GOLGA4: variants seen among roughly 807,000 people sequenced by gnomAD.
GOLGA4 encodes the protein golgin A4.
In GOLGA4, 169 loss-of-function variants were observed where a neutral mutation model predicts 265.9. The observed-to-expected ratio is 0.64, with a 90% confidence interval of 0.56 to 0.72. The LOEUF (loss-of-function observed/expected upper bound fraction) is 0.72, where lower values mean the gene tolerates loss of function less well. GOLGA4 is among the 30% of genes least tolerant of loss of function. GOLGA4 has a pLI of 0.00. For missense variants in GOLGA4, 2,482 were observed against 2,483.4 expected, an observed-to-expected ratio of 1.00 and a Z score of 0.01; for synonymous variants, 923 against 855.8, an observed-to-expected ratio of 1.08 and a Z score of -1.37.
intron 12 of GOLGA4, 112 bp from the exon 13 acceptor site, chr3:37,321,619 A>G (rs1467683843): frequency 2.9e-5 from 27 of 921,000 alleles, no homozygotes; most frequent in Non-Finnish European, 4.0e-5. Flanking sequence ...GACGTTACCT[A>G]TCCAACAGGG....
At chr3:37,336,798 GAGAA>G (rs1333747209) in intron 17 of GOLGA4, among the ~76,000 whole-genome samples, 63 of 151,662 alleles carry the variant, frequency 4.2e-4, no homozygotes, top group African/African-American at 1.3e-3. Context: ...GAAAGAGAAA[GAGAA>G]AGAAAGAGAG....
chr3:37,285,153 CTTT>C (rs542285622), intron 3 of GOLGA4, among the ~76,000 whole-genome samples: 4,384 of 127,614 alleles, frequency 0.034, 97 homozygotes, highest in African/African-American at 0.06. Flanking sequence ...AGATGAGTAA[CTTT>C]TTTTTTTTTT....
chr3:37,345,946 CAA>C (rs879491782), intron 20 of GOLGA4, among the ~76,000 whole-genome samples: 14 of 111,048 alleles, frequency 1.3e-4, no homozygotes, highest in Non-Finnish European at 1.1e-4. Flanking sequence ...GACTCCATCT[CAA>C]AAAAAAAAAA....
chr3:37,336,007 A>G (rs2097010671), intron 17 of GOLGA4, among the ~76,000 whole-genome samples: 2 of 152,142 alleles, frequency 1.3e-5, no homozygotes, highest in Non-Finnish European at 2.9e-5. Flanking sequence ...AGGATTCGTT[A>G]CAGAATGTCA....
intron 20 of GOLGA4, among the ~76,000 whole-genome samples, chr3:37,343,066 G>C (rs1053320773): frequency 1.3e-5 from 2 of 152,036 alleles, no homozygotes; most frequent in Non-Finnish European, 2.9e-5. Flanking sequence ...GCTAATTTTT[G>C]TATTTTTGGG....
At position 37,325,472 on chromosome 3, in the gene GOLGA4, A is replaced by C; in HGVS notation, c.3586A>C (p.Asn1196His). 1 of 1,612,444 alleles carries C rather than the reference A, an allele frequency of 6.2e-7. No homozygotes were observed. Among genetic ancestry groups the C allele is most frequent in the South Asian group, 1.1e-5 (1 of 90,582 alleles). ...TTTGAAATCTTCACATGAAAAAAGT[A>C]ACAAAAGCCTAGAGGACAAGAGCTT... is the stretch of plus-strand genomic sequence containing the variant. Reference protein sequence around the residue: ...QSLKSSHEKSNKSLEDKSLEF... With the variant: ...QSLKSSHEKSHKSLEDKSLEF... Residue 1196 changes from asparagine (N) to histidine (H), a missense_variant, in exon 14 of 24, where the codon AAC becomes CAC. Physicochemically the swap from Asn to His is moderately conservative, Grantham distance 68. This residue lies in a region of GOLGA4 where 1,536 missense variants were observed against 1,483.7 expected (regional missense o/e 1.04). Transcript: ENST00000361924.
chr3:37,366,562 A>T lies in GOLGA4; in HGVS notation c.*516A>T, dbSNP rs1453397402. 2 of 153,990 alleles carry T rather than the reference A, an allele frequency of 1.3e-5. No homozygotes were observed. Among genetic ancestry groups the T allele is most frequent in the Non-Finnish European group, 1.4e-5 (1 of 69,048 alleles). The allele number at this position is 153,990 out of a possible 1,614,324, so 9.5% of individuals were successfully genotyped here. A position where few individuals can be genotyped will look rare whatever the true frequency, so the allele number is the denominator to read the frequency against. ...TGCTAAAGACCAGTTCTTTAAGCTA[A>T]GACATGTAAAAAATCCCAAATGGCA... On this transcript the variant is annotated 3_prime_UTR_variant, in exon 24 of 24. Transcript: ENST00000361924.
At chr3:37,279,567 CCTT>C (rs908671039) in intron 2 of GOLGA4, among the ~76,000 whole-genome samples, 14 of 152,000 alleles carry the variant, frequency 9.2e-5, no homozygotes, top group African/African-American at 3.1e-4. Context: ...TGTTTTTTTT[CCTT>C]CTTTTCTGCT....
intron 2 of GOLGA4, among the ~76,000 whole-genome samples, chr3:37,256,608 A>T (rs550426848): frequency 4.6e-5 from 7 of 152,272 alleles, no homozygotes; most frequent in African/African-American, 1.7e-4. Context: ...CAAATGGCAG[A>T]TCTGTCTATT....
chr3:37,292,670 C>T (rs540633942), intron 5 of GOLGA4, among the ~76,000 whole-genome samples: 8 of 149,266 alleles, frequency 5.4e-5, no homozygotes, highest in African/African-American at 2.0e-4. Flanking sequence ...CTGGTGACAG[C>T]GAGACTCCGT....
intron 2 of GOLGA4, among the ~76,000 whole-genome samples, chr3:37,264,055 T>C (rs1256470184): frequency 6.6e-6 from 1 of 152,242 alleles, no homozygotes; most frequent in Non-Finnish European, 1.5e-5. Context: ...TTTGATATAC[T>C]TTGCTTTTGC....
chr3:37,286,396 AC>A (rs2150792194), intron 4 of GOLGA4, among the ~76,000 whole-genome samples: 1 of 146,580 alleles, frequency 6.8e-6, no homozygotes, highest in East Asian at 2.0e-4. Context: ...CTCATGATCC[AC>A]CCGCCTCGGC....
chr3:37,289,192 C>G lies in GOLGA4; in HGVS notation c.526-43C>G, dbSNP rs757289034. The G allele has an allele frequency of 3.0e-6, 3 of 1,014,012 alleles. No homozygotes were observed. The East Asian group carries it at 7.3e-5, about 25-fold the overall frequency. 62.8% of individuals were successfully genotyped at this position (1,014,012 alleles called of 1,614,324 possible). ...CTTGCTTTGTATTTACTATGTCATA[C>G]AGTTAGCTGTTTAACCAGCTTTTTT... On this transcript the variant is annotated intron_variant, in intron 4 of 23. Coordinates refer to ENST00000361924, the MANE Select transcript of GOLGA4 (RefSeq NM_002078.5).
chr3:37,304,528 C>A (rs2096901132), intron 10 of GOLGA4, among the ~76,000 whole-genome samples: 2 of 152,196 alleles, frequency 1.3e-5, no homozygotes, highest in South Asian at 4.1e-4. Flanking sequence ...AACAGAAAAT[C>A]TAATGCATAG....
At chr3:37,314,818 TC>T (rs1207731554) in intron 10 of GOLGA4, among the ~76,000 whole-genome samples, 1 of 152,204 alleles carries the variant, frequency 6.6e-6, no homozygotes, top group African/African-American at 2.4e-5. Flanking sequence ...TTCTTTCTGG[TC>T]ACCTGGAAAC....
intron 2 of GOLGA4, among the ~76,000 whole-genome samples, chr3:37,257,637 T>A (rs1158774121): frequency 1.3e-5 from 2 of 151,674 alleles, no homozygotes; most frequent in Admixed American, 6.6e-5. Context: ...GGGGAACAGA[T>A]GTACTATTAT....
intron 20 of GOLGA4, among the ~76,000 whole-genome samples, chr3:37,346,911 A>G (rs940579018): frequency 4.6e-5 from 7 of 152,214 alleles, no homozygotes; most frequent in Non-Finnish European, 1.0e-4. Context: ...TTTAAATTCT[A>G]AACCCAAAGT....
rs1294912418 is a variant in GOLGA4 at position 37,337,164 on chromosome 3, G to A, written c.6327+1G>A. ...TCAGGTAACAATTATGGAGCTACAG[G>A]TAAGGCTAGTTCTTCTTTTTTTTTT... On this transcript the variant is annotated splice_donor_variant, in intron 18 of 23. Transcript: ENST00000361924. LOFTEE classifies it high-confidence loss of function. The A allele has an allele frequency of 1.4e-6, 2 of 1,425,194 alleles. No individual in the cohort carries two copies. The highest frequency in any genetic ancestry group is 9.7e-7 in the Non-Finnish European group (1 of 1,026,410). 88.3% of individuals were successfully genotyped at this position (1,425,194 alleles called of 1,614,324 possible).
chr3:37,244,512 C>A (rs1019338321), intron 1 of GOLGA4, among the ~76,000 whole-genome samples: 2 of 152,188 alleles, frequency 1.3e-5, no homozygotes, highest in African/African-American at 4.8e-5. Flanking sequence ...GCGAAGACGT[C>A]GGTTTCTGCT....
Sources: gnomAD v4.1 joint callset for allele counts (sites outside exome capture counted in the v4.1 genomes callset) on GRCh38, gnomAD v4.1.1 for gene constraint, gnomAD v4.1.1 regional missense constraint, MANE v1.5 for transcripts, NCBI Gene and HGNC (gene_info 2026-07-23, HGNC 2026-07-21) for gene names.